LRRC37A2: variants seen among roughly 807,000 people sequenced by gnomAD.
LRRC37A2 encodes leucine rich repeat containing 37 member A2, also known as leucine-rich repeat-containing protein 37A2.
In LRRC37A2, 9 loss-of-function variants were observed where a neutral mutation model predicts 68.8. The ratio of observed to expected loss-of-function variants is 0.13; its 90% CI spans 0.08 to 0.23. The LOEUF is 0.23. Ranked by LOEUF, LRRC37A2 falls within the 10% of genes least tolerant of loss-of-function variation. The pLI, the probability that LRRC37A2 is intolerant of heterozygous loss-of-function variation, is 1.00. For synonymous variants in LRRC37A2, 63 were observed against 367.6 expected (o/e 0.17, Z 9.48); for missense variants, 168 against 950.4 (o/e 0.18, Z 10.82).
chr17:46,935,189 A>T, the LRRC37A2 span: 12 of 1,613,252 alleles, frequency 7.4e-6, no homozygotes, highest in African/African-American at 1.6e-4. Context: ...CTGCTGGGGG[A>T]CAGAGAGAAG....
the LRRC37A2 span, chr17:47,018,470 T>C: frequency 6.5e-7 from 1 of 1,532,312 alleles, no homozygotes; most frequent in East Asian, 2.2e-5. Flanking sequence ...CAGAGCCTAG[T>C]GCAGAGGTGG....
At chr17:46,977,369 T>C in the LRRC37A2 span, among the ~76,000 whole-genome samples, 1 of 152,174 alleles carries the variant, frequency 6.6e-6, no homozygotes, top group Admixed American at 6.5e-5. Flanking sequence ...TAGGACTAAG[T>C]GTAGTGGGGG....
chr17:46,802,767 G>A, the LRRC37A2 span, among the ~76,000 whole-genome samples: 1 of 152,218 alleles, frequency 6.6e-6, no homozygotes, highest in African/African-American at 2.4e-5. Context: ...CTGGAAGGTG[G>A]TGTGCCTGGG....
the LRRC37A2 span, among the ~76,000 whole-genome samples, chr17:46,804,596 G>A: frequency 1.3e-5 from 2 of 152,196 alleles, no homozygotes. Flanking sequence ...GGAAGTTGTA[G>A]AAAAGCTGGT....
the LRRC37A2 span, among the ~76,000 whole-genome samples, chr17:46,725,859 C>G: frequency 6.6e-6 from 1 of 152,140 alleles, no homozygotes. Context: ...TCCAAAAAGG[C>G]TAGTCTCAAG....
At chr17:46,876,670 G>A in the LRRC37A2 span, 3 of 1,593,980 alleles carry the variant, frequency 1.9e-6, no homozygotes, top group South Asian at 2.3e-5. Flanking sequence ...GCTACGTGGA[G>A]TGCCAGCAAT....
the LRRC37A2 span, among the ~76,000 whole-genome samples, chr17:46,720,183 A>G: frequency 6.6e-6 from 1 of 152,210 alleles, no homozygotes; most frequent in African/African-American, 2.4e-5. Flanking sequence ...TATATAATGT[A>G]GCTGATTTGT....
At chr17:46,758,122 C>T in the LRRC37A2 span, among the ~76,000 whole-genome samples, 1 of 152,206 alleles carries the variant, frequency 6.6e-6, no homozygotes, top group African/African-American at 2.4e-5. Context: ...CAAGGAACTT[C>T]AAGGCTCTCA....
the LRRC37A2 span, among the ~76,000 whole-genome samples, chr17:46,798,821 G>C: frequency 1.3e-5 from 2 of 152,282 alleles, no homozygotes; most frequent in Admixed American, 1.3e-4. Context: ...AGGCCAAGGC[G>C]GGTGGATCAC....
the LRRC37A2 span, chr17:47,035,258 A>G: frequency 1.3e-5 from 2 of 152,252 alleles, no homozygotes; most frequent in Non-Finnish European, 2.9e-5. Context: ...AATCACCATT[A>G]TCTAACCCCA....
At chr17:46,756,108 C>G in the LRRC37A2 span, 1 of 372,268 alleles carries the variant, frequency 2.7e-6, no homozygotes, top group Non-Finnish European at 4.9e-6. Context: ...GGGAACCATC[C>G]AGTACTTGTG....
At chr17:46,854,136 C>T in the LRRC37A2 span, among the ~76,000 whole-genome samples, 127 of 152,316 alleles carry the variant, frequency 8.3e-4, no homozygotes, top group Middle Eastern at 0.014. Flanking sequence ...TCAGCTAAAA[C>T]TGGGGCCTCA....
At chr17:46,993,617 T>G in the LRRC37A2 span, among the ~76,000 whole-genome samples, 4 of 152,206 alleles carry the variant, frequency 2.6e-5, no homozygotes, top group Admixed American at 2.0e-4. Context: ...GGAATCTCTG[T>G]TGCTCTTGGA....
At chr17:46,740,764 T>TTCAAGTTCGGCTCACCTCAACCTCCTG in the LRRC37A2 span, among the ~76,000 whole-genome samples, 1 of 151,430 alleles carries the variant, frequency 6.6e-6, no homozygotes, top group African/African-American at 2.4e-5. Flanking sequence ...TGGGTTCAAG[T>TTCAAGTTCGGCTCACCTCAACCTCCTG]GATTCTCCTA....
the LRRC37A2 span, among the ~76,000 whole-genome samples, chr17:46,849,668 T>C: frequency 6.6e-6 from 1 of 152,132 alleles, no homozygotes; most frequent in Non-Finnish European, 1.5e-5. Context: ...CGATGCCACA[T>C]TGGTGGCATG....
intron 6 of LRRC37A2, chr17:46,528,870 G>C: frequency 1.5e-6 from 1 of 665,912 alleles, no homozygotes; most frequent in Non-Finnish European, 2.7e-6. Flanking sequence ...CTATGTAGGT[G>C]AATAAAGGAA....
the LRRC37A2 span, among the ~76,000 whole-genome samples, chr17:46,925,963 G>A: frequency 6.6e-6 from 1 of 152,188 alleles, no homozygotes; most frequent in Non-Finnish European, 1.5e-5. Flanking sequence ...CCCAATGGTT[G>A]TAAAGGTGAC....
the LRRC37A2 span, among the ~76,000 whole-genome samples, chr17:46,861,456 C>T: frequency 6.6e-5 from 10 of 152,316 alleles, no homozygotes; most frequent in Non-Finnish European, 1.0e-4. Context: ...CCTTCATCTT[C>T]TGCCTCCATG....
chr17:46,950,830 G>GGGCCAGAA, the LRRC37A2 span, among the ~76,000 whole-genome samples: 36 of 152,318 alleles, frequency 2.4e-4, no homozygotes, highest in African/African-American at 8.4e-4. Context: ...AGGAAAAGCG[G>GGGCCAGAA]GGCCAGAAGT....
Sources: gnomAD v4.1 joint callset for allele counts (sites outside exome capture counted in the v4.1 genomes callset) on GRCh38, gnomAD v4.1.1 for gene constraint, MANE v1.5 for transcripts, NCBI Gene and HGNC (gene_info 2026-07-23, HGNC 2026-07-21) for gene names.